Variants in STK3 observed in about 807,000 individuals in gnomAD.
The protein encoded by STK3 is serine/threonine-protein kinase 3.
A neutral mutation model predicts 58.0 loss-of-function variants in STK3; 41 were observed. The ratio of observed to expected loss-of-function variants is 0.71; its 90% CI spans 0.55 to 0.92. The LOEUF (loss-of-function observed/expected upper bound fraction) is 0.92. Among genes scored for constraint, STK3 ranks in the 40% least tolerant of loss-of-function variants. The pLI is 0.00. For missense variants in STK3, 479 were observed against 602.7 expected (o/e 0.79, Z 2.15); for synonymous variants, 170 against 191.0 (o/e 0.89, Z 0.91).
chr8:98,719,411 CCTATATATCACTG>C (rs1827244564), intron 4 of STK3, among the ~76,000 whole-genome samples: 1 of 152,028 alleles, frequency 6.6e-6, no homozygotes, highest in Non-Finnish European at 1.5e-5. Flanking sequence ...GCTCCTGTAC[CCTATATATCACTG>C]CTCTACTAAA....
chr8:98,681,085 G>A (rs529184092), intron 6 of STK3, among the ~76,000 whole-genome samples: 14 of 148,690 alleles, frequency 9.4e-5, no homozygotes, highest in Middle Eastern at 3.6e-3. Flanking sequence ...TGCAACCTCC[G>A]CCTTCTGGGT....
rs183556696 is a variant in STK3, at chr8:98,790,314, A to G, written c.27-15495T>C. On this transcript the variant is annotated intron_variant, in intron 1 of 10. Transcript: ENST00000419617. The stretch of plus-strand genomic sequence containing the variant: ...TAACCAAATCCGACAACATATCAAA[A>G]AGATAATCCACCATGATCAAGTGGG... Among the ~76,000 whole-genome samples the G allele has an allele frequency of 1.6e-4, 24 of 152,308 alleles. No homozygotes were observed. The East Asian group carries it at 4.2e-3, about 27-fold the overall frequency.
chr8:98,494,384 T>C (rs1822958279), intron 10 of STK3, among the ~76,000 whole-genome samples: 1 of 152,198 alleles, frequency 6.6e-6, no homozygotes, highest in South Asian at 2.1e-4. Flanking sequence ...TGGTGTTCCT[T>C]ATATATTCCT....
intron 1 of STK3, among the ~76,000 whole-genome samples, chr8:98,938,681 G>C (rs1465911739): frequency 6.6e-6 from 1 of 152,028 alleles, no homozygotes; most frequent in East Asian, 1.9e-4. Context: ...TCTGAGCCCT[G>C]GCCCACCCGT....
chr8:98,692,721 T>C (rs903125557), intron 6 of STK3, among the ~76,000 whole-genome samples: 4 of 152,052 alleles, frequency 2.6e-5, no homozygotes, highest in African/African-American at 7.2e-5. Flanking sequence ...AAATGATAAA[T>C]TTTATGTTAT....
At chr8:98,785,475 C>T (rs1205339501) in intron 1 of STK3, among the ~76,000 whole-genome samples, 1 of 152,168 alleles carries the variant, frequency 6.6e-6, no homozygotes, top group Admixed American at 6.5e-5. Context: ...TGGATTCTCC[C>T]TATGCGCTGA....
At chr8:98,533,680 A>C (rs1809513929) in intron 9 of STK3, among the ~76,000 whole-genome samples, 1 of 152,088 alleles carries the variant, frequency 6.6e-6, no homozygotes, top group African/African-American at 2.4e-5. Flanking sequence ...TGTAGAGATG[A>C]GGTCTTACTA....
chr8:98,921,976 A>G (rs1395615603), intron 1 of STK3, among the ~76,000 whole-genome samples: 8 of 152,108 alleles, frequency 5.3e-5, no homozygotes, highest in Non-Finnish European at 1.5e-5. Flanking sequence ...TTACAAGCAT[A>G]AGCCACCACG....
At chr8:98,457,614 CA>C (rs1819598434) in intron 10 of STK3, among the ~76,000 whole-genome samples, 1 of 151,870 alleles carries the variant, frequency 6.6e-6, no homozygotes, top group Admixed American at 6.6e-5. Flanking sequence ...CTAGATATTC[CA>C]AAAAATACTT....
At chr8:98,616,657 C>T (rs1300541131) in intron 6 of STK3, among the ~76,000 whole-genome samples, 4 of 150,080 alleles carry the variant, frequency 2.7e-5, no homozygotes, top group African/African-American at 9.8e-5. Context: ...GCAGGGGTTG[C>T]AATCCTAGTC....
chr8:98,605,012 C>G (rs1443181483), intron 6 of STK3, among the ~76,000 whole-genome samples: 2 of 152,110 alleles, frequency 1.3e-5, no homozygotes, highest in Non-Finnish European at 2.9e-5. Context: ...GCTCCAGTTC[C>G]CAGTAAGTTC....
chr8:98,586,016 T>C (rs1385853612), intron 7 of STK3, among the ~76,000 whole-genome samples: 2 of 152,210 alleles, frequency 1.3e-5, no homozygotes, highest in Admixed American at 1.3e-4. Flanking sequence ...TGGGGTTTTC[T>C]AGATATACAA....
intron 3 of STK3, among the ~76,000 whole-genome samples, chr8:98,765,593 G>A (rs1228908775): frequency 6.6e-6 from 1 of 152,138 alleles, no homozygotes; most frequent in Non-Finnish European, 1.5e-5. Context: ...AAGGTTTCTG[G>A]GAAAGCCCCT....
the STK3 span, among the ~76,000 whole-genome samples, chr8:98,361,954 T>C: frequency 2.2e-3 from 339 of 152,250 alleles, 4 homozygotes; most frequent in African/African-American, 7.9e-3. Context: ...CTCAGCTGAG[T>C]CCTCACTGCC....
At chr8:98,641,763 G>C (rs985243904) in intron 6 of STK3, among the ~76,000 whole-genome samples, 3 of 152,222 alleles carry the variant, frequency 2.0e-5, no homozygotes, top group Non-Finnish European at 4.4e-5. Flanking sequence ...ATGAAGAGTA[G>C]AGGGGAAGAA....
At chr8:98,682,390 C>T (rs1338287032) in intron 6 of STK3, among the ~76,000 whole-genome samples, 1 of 152,128 alleles carries the variant, frequency 6.6e-6, no homozygotes, top group Non-Finnish European at 1.5e-5. Context: ...TCTTTGATAT[C>T]ATTCATTTGA....
chr8:98,436,359 C>T (rs987987420), intron 2 of STK3, among the ~76,000 whole-genome samples: 7 of 151,514 alleles, frequency 4.6e-5, no homozygotes, highest in Non-Finnish European at 2.9e-5. Context: ...CGCCCTCACT[C>T]CCGAGCCCCA....
At chr8:98,403,285 A>G (rs1033965383) in intron 3 of STK3, among the ~76,000 whole-genome samples, 12 of 152,196 alleles carry the variant, frequency 7.9e-5, no homozygotes, top group African/African-American at 2.4e-4. Context: ...AACCCAGGAT[A>G]GTTTGCTTAA....
chr8:98,619,711 A>G (rs1296568675), intron 6 of STK3, among the ~76,000 whole-genome samples: 2 of 144,976 alleles, frequency 1.4e-5, no homozygotes, highest in Non-Finnish European at 3.0e-5. Context: ...AAATACATGA[A>G]AAAATGCTCA....
Sources: gnomAD v4.1 joint callset for allele counts (sites outside exome capture counted in the v4.1 genomes callset) on GRCh38, gnomAD v4.1.1 for gene constraint, MANE v1.5 for transcripts, NCBI Gene and HGNC (gene_info 2026-07-23, HGNC 2026-07-21) for gene names.